The following FBXL7 variants were observed in gnomAD, a reference collection of about 807,000 sequenced individuals.
FBXL7 encodes F-box and leucine rich repeat protein 7, also known as F-box/LRR-repeat protein 7.
A neutral mutation model predicts 38.3 loss-of-function variants in FBXL7; 12 were observed. The observed-to-expected ratio is 0.31, with a 90% confidence interval of 0.20 to 0.51. The LOEUF (loss-of-function observed/expected upper bound fraction) is 0.51. FBXL7 is among the 20% of genes least tolerant of loss of function. The pLI is 0.98. For missense variants in FBXL7, 567 were observed against 676.4 expected (o/e 0.84, Z 1.79); for synonymous variants, 297 against 300.9 (o/e 0.99, Z 0.13).
At chr5:15,728,306 G>T (rs925063607) in intron 2 of FBXL7, among the ~76,000 whole-genome samples, 2 of 151,814 alleles carry the variant, frequency 1.3e-5, no homozygotes, top group African/African-American at 4.8e-5. Flanking sequence ...TATTAAAATT[G>T]TACATCTGAA....
chr5:15,694,985 G>C (rs1173392635), intron 2 of FBXL7, among the ~76,000 whole-genome samples: 2 of 152,092 alleles, frequency 1.3e-5, no homozygotes, highest in African/African-American at 4.8e-5. Context: ...AAAACAGAGA[G>C]CTTTAACAAG....
At chr5:15,651,623 T>G (rs1741712520) in intron 2 of FBXL7, among the ~76,000 whole-genome samples, 1 of 152,236 alleles carries the variant, frequency 6.6e-6, no homozygotes, top group Non-Finnish European at 1.5e-5. Context: ...TAAACTATAC[T>G]AAACAGATGT....
intron 2 of FBXL7, among the ~76,000 whole-genome samples, chr5:15,696,898 A>G (rs1391759396): frequency 1.3e-5 from 2 of 152,154 alleles, no homozygotes; most frequent in Admixed American, 6.5e-5. Context: ...AGTGGTGTAA[A>G]TGCCCCTCCT....
At chr5:15,800,577 C>A (rs1020738828) in intron 2 of FBXL7, among the ~76,000 whole-genome samples, 2 of 152,198 alleles carry the variant, frequency 1.3e-5, no homozygotes, top group African/African-American at 4.8e-5. Context: ...TTCATTTAAT[C>A]TTCAGAACAA....
chr5:15,606,575 A>C (rs1740033032), intron 1 of FBXL7, among the ~76,000 whole-genome samples: 1 of 152,230 alleles, frequency 6.6e-6, no homozygotes, highest in African/African-American at 2.4e-5. Flanking sequence ...CAGTGTAAAG[A>C]AAGTACTCGT....
chr5:15,561,272 T>C (rs909882015), intron 1 of FBXL7, among the ~76,000 whole-genome samples: 2 of 152,162 alleles, frequency 1.3e-5, no homozygotes, highest in Non-Finnish European at 2.9e-5. Context: ...TGTGTTGCTA[T>C]GTATTATTAT....
intron 1 of FBXL7, among the ~76,000 whole-genome samples, chr5:15,542,397 A>G (rs766694407): frequency 2.6e-5 from 4 of 152,222 alleles, no homozygotes; most frequent in Non-Finnish European, 5.9e-5. Context: ...CAGAATGCAT[A>G]GAAGATTTAT....
At chr5:15,882,659 T>C (rs1579565088) in intron 2 of FBXL7, among the ~76,000 whole-genome samples, 1 of 152,306 alleles carries the variant, frequency 6.6e-6, no homozygotes, top group East Asian at 1.9e-4. Flanking sequence ...CAATAAGTCT[T>C]ATGAAGCCAA....
At position 15,886,217 on chromosome 5, in the gene FBXL7, G is replaced by T. The variant is rs948312931; in HGVS notation, c.128-41673G>T. On this transcript the variant is annotated intron_variant, in intron 2 of 3. Transcript: ENST00000504595. ...ATCAAGAAATAATTTTGAGGTGTGT[G>T]TGTGTGTGTGTGCATGCAAATGTAT... Among the ~76,000 whole-genome samples, 90 of 152,140 alleles carry T rather than the reference G, an allele frequency of 5.9e-4. 1 individual carries two copies. The highest frequency in any genetic ancestry group is 6.0e-4 in the Non-Finnish European group (41 of 68,022).
intron 2 of FBXL7, among the ~76,000 whole-genome samples, chr5:15,718,558 T>G (rs943163189): frequency 6.6e-6 from 1 of 152,196 alleles, no homozygotes; most frequent in African/African-American, 2.4e-5. Context: ...GGAAATAAAA[T>G]AGCGTAACTA....
At chr5:15,673,640 G>T (rs1742557700) in intron 2 of FBXL7, among the ~76,000 whole-genome samples, 1 of 152,096 alleles carries the variant, frequency 6.6e-6, no homozygotes, top group African/African-American at 2.4e-5. Flanking sequence ...ATCTCCTTGG[G>T]ATTGTCTTCA....
At chr5:15,545,870 C>T (rs929819167) in intron 1 of FBXL7, among the ~76,000 whole-genome samples, 1 of 152,294 alleles carries the variant, frequency 6.6e-6, no homozygotes, top group South Asian at 2.1e-4. Context: ...AAGAGTTGAG[C>T]TACTCTTTGA....
intron 1 of FBXL7, among the ~76,000 whole-genome samples, chr5:15,505,562 A>T (rs1736620189): frequency 1.3e-5 from 2 of 152,176 alleles, no homozygotes; most frequent in Non-Finnish European, 2.9e-5. Context: ...GGGAACTAGA[A>T]TGGTGAACAC....
chr5:15,651,982 C>T lies in FBXL7; in HGVS notation c.127+35910C>T, dbSNP rs536086455. 8.5e-5 allele frequency among the ~76,000 whole-genome samples: 13 copies of T among 152,302 alleles called. No homozygotes were observed. In the South Asian group the frequency reaches 2.7e-3, roughly 32 times the overall value. On this transcript the variant is annotated intron_variant, in intron 2 of 3. Coordinates refer to ENST00000504595, the MANE Select transcript of FBXL7 (RefSeq NM_012304.5). ...CTTCTACAACAGCATTTGCTGCTTC[C>T]TCTTGCACTTTTATCTTATAGAAAC...
chr5:15,715,565 G>A (rs1663811259), intron 2 of FBXL7, among the ~76,000 whole-genome samples: 1 of 150,434 alleles, frequency 6.6e-6, no homozygotes, highest in African/African-American at 2.4e-5. Context: ...TAGTGAATAT[G>A]TTACACTTTG....
intron 2 of FBXL7, among the ~76,000 whole-genome samples, chr5:15,638,218 G>A (rs1741248152): frequency 6.6e-6 from 1 of 152,226 alleles, no homozygotes; most frequent in Admixed American, 6.5e-5. Context: ...GGGGGATCTT[G>A]TAGAGGCTTC....
chr5:15,656,355 A>C (rs904397956), intron 2 of FBXL7, among the ~76,000 whole-genome samples: 5 of 152,228 alleles, frequency 3.3e-5, no homozygotes, highest in East Asian at 1.9e-4. Context: ...AATTTACAAA[A>C]GAAAGGTTTA....
intron 2 of FBXL7, among the ~76,000 whole-genome samples, chr5:15,828,385 T>C (rs2126771059): frequency 6.6e-6 from 1 of 152,378 alleles, no homozygotes; most frequent in East Asian, 1.9e-4. Flanking sequence ...ACACTTGTAC[T>C]AAGAAATAAT....
intron 2 of FBXL7, among the ~76,000 whole-genome samples, chr5:15,800,058 A>G (rs1219847611): frequency 2.6e-5 from 4 of 152,176 alleles, no homozygotes; most frequent in African/African-American, 9.7e-5. Context: ...AAAAGAGGAA[A>G]CATTTTAATA....
Sources: allele counts gnomAD v4.1 joint callset (sites outside exome capture counted in the v4.1 genomes callset), GRCh38; gene constraint gnomAD v4.1.1; transcripts MANE v1.5; gene names NCBI Gene and HGNC (gene_info 2026-07-23, HGNC 2026-07-21).